The following SMARCA4 variants were observed in gnomAD, a reference collection of about 807,000 sequenced individuals.
SMARCA4 encodes the protein SWI/SNF related BAF chromatin remodeling complex subunit ATPase 4.
In SMARCA4, 31 loss-of-function variants were observed where a neutral mutation model predicts 193.9. The ratio of observed to expected loss-of-function variants is 0.16; its 90% confidence interval spans 0.12 to 0.22. The LOEUF is 0.22. Among genes scored for constraint, SMARCA4 ranks in the 10% least tolerant of loss-of-function variants. The probability of loss-of-function intolerance (pLI) is 1.00; values close to 1 mark genes in which losing one functional copy is unlikely to be tolerated. For missense variants in SMARCA4, 1,148 were observed against 2,296.0 expected, an observed-to-expected ratio of 0.50 and a Z score of 10.22; for synonymous variants, 942 against 933.1, an observed-to-expected ratio of 1.01 and a Z score of -0.17.
intron 19 of SMARCA4, among the ~76,000 whole-genome samples, chr19:11,022,629 GT>G: frequency 6.6e-6 from 1 of 152,310 alleles, no homozygotes; most frequent in East Asian, 1.9e-4. Context: ...AACTACAGAG[GT>G]TACCTCGAAG....
rs2086067860 is a variant in SMARCA4, at chr19:10,986,615, C to T, written c.760+22C>T. The T allele has an allele frequency of 3.3e-6, 5 of 1,535,466 alleles. No individual in the cohort carries two copies. Among genetic ancestry groups the T allele is most frequent in the Non-Finnish European group, 4.4e-6 (5 of 1,146,770 alleles). On this transcript the variant is annotated intron_variant, in intron 4 of 34. Transcript: ENST00000344626. This position sits in a 1 kb window ranked among gnomAD's most constrained non-coding sequence, Gnocchi z 6.7. The stretch of plus-strand genomic sequence containing the variant: ...CATGGTAAGACTGGCTGCCCTGGCC[C>T]TCAGGTGTCTCAGAGCGAATGGCTG...
rs117788028 is a variant in SMARCA4 at position 10,995,344 on chromosome 19, G to A, written c.1593+343G>A. On this transcript the variant is annotated intron_variant, in intron 9 of 34. Coordinates refer to ENST00000344626, the MANE Select transcript of SMARCA4 (RefSeq NM_003072.5). ...TAAACATCTCTGACCATTTATTTGT[G>A]ACTGAGTCGCTGGTTGGGCAGATAT... 7.4e-3 allele frequency: 3,706 copies of A among 498,328 alleles called. 20 individuals are homozygous for A. The highest frequency in any genetic ancestry group is 0.011 in the Non-Finnish European group (2,810 of 254,404). 30.9% of individuals were successfully genotyped at this position (498,328 alleles called of 1,614,324 possible).
chr19:11,026,453 G>T, intron 23 of SMARCA4, 107 bp downstream of exon 23: 11 of 717,834 alleles, frequency 1.5e-5, no homozygotes, highest in Non-Finnish European at 2.5e-5. Context: ...TTCAAAGGCA[G>T]AAAATTAGAA....
rs2090183633 is a variant in SMARCA4, at chr19:11,025,466, G to A, written c.3126G>A (p.Leu1042=). ...CCCTGATGAACACCATCATGCAGCT[G>A]CGGAAGATCTGCAACCACCCCTACA... is the stretch of plus-strand genomic sequence containing the variant. The part of the protein sequence containing the change: ...TKTLMNTIMQ[L]RKICNHPYMF... Residue 1042 remains leucine (L), a synonymous_variant, in exon 22 of 35, where the codon CTG becomes CTA. Coordinates refer to ENST00000344626, the MANE Select transcript of SMARCA4 (RefSeq NM_003072.5). The A allele has an allele frequency of 6.2e-7, 1 of 1,613,422 alleles. No individual in the cohort carries two copies. Among genetic ancestry groups the A allele is most frequent in the Non-Finnish European group, 8.5e-7 (1 of 1,179,954 alleles).
At position 11,014,155 on chromosome 19, in the gene SMARCA4, T is replaced by C. The variant is rs563128357; in HGVS notation, c.2438+1043T>C. 2.2e-4 allele frequency among the ~76,000 whole-genome samples: 33 copies of C among 152,264 alleles called. 1 individual carries two copies. The South Asian group carries it at 3.5e-3, about 16-fold the overall frequency. ...GCCCCTAACTCCAACCAGGCACTCATTGGGACCACTACAGCCACGAGTCAG... is the reference window on the plus strand; with the variant it reads ...GCCCCTAACTCCAACCAGGCACTCACTGGGACCACTACAGCCACGAGTCAG... On this transcript the variant is annotated intron_variant, in intron 16 of 34. Transcript: ENST00000344626.
At chr19:10,968,914 T>TGGCC (rs1340400034) in intron 1 of SMARCA4, among the ~76,000 whole-genome samples, 3 of 152,214 alleles carry the variant, frequency 2.0e-5, no homozygotes, top group Non-Finnish European at 4.4e-5. Flanking sequence ...CCTGAAGGCC[T>TGGCC]TGCCTGCCTC....
chr19:10,999,929 T>A (rs2087465833), intron 11 of SMARCA4, among the ~76,000 whole-genome samples: 1 of 152,086 alleles, frequency 6.6e-6, no homozygotes, highest in African/African-American at 2.4e-5. Flanking sequence ...AAATACTGTG[T>A]CCAGAAGTTA....
In SMARCA4 at chr19:11,033,527, G is replaced by T. The variant is rs1555784620; in HGVS notation, c.3774+10G>T. On this transcript the variant is annotated intron_variant, in intron 26 of 34. Transcript: ENST00000344626. This position sits in a 1 kb window ranked among gnomAD's most constrained non-coding sequence, Gnocchi z 9.8. ...CGAGGAGCAGGATGAGGTGAGCCCA[G>T]CACCGGCCCCGACCCCTCCCCAGCG... 5 of 1,606,132 alleles carry T rather than the reference G, an allele frequency of 3.1e-6. No homozygotes were observed. The highest frequency in any genetic ancestry group is 4.3e-6 in the Non-Finnish European group (5 of 1,173,706).
chr19:11,056,978 G>A (rs1201713672), intron 30 of SMARCA4, among the ~76,000 whole-genome samples: 2 of 152,218 alleles, frequency 1.3e-5, no homozygotes, highest in East Asian at 1.9e-4. Context: ...TGGCATGGGC[G>A]GGCTGCCCTG....
At chr19:10,963,848 A>G (rs2084005376) in intron 1 of SMARCA4, among the ~76,000 whole-genome samples, 2 of 149,820 alleles carry the variant, frequency 1.3e-5, no homozygotes, top group African/African-American at 4.9e-5. Flanking sequence ...AAGCTCCTTG[A>G]GAGGCTGGGG....
intron 30 of SMARCA4, among the ~76,000 whole-genome samples, chr19:11,055,051 A>G (rs1296105883): frequency 6.6e-6 from 1 of 152,184 alleles, no homozygotes; most frequent in Non-Finnish European, 1.5e-5. Flanking sequence ...GTTGCAGGGA[A>G]GCCTGAGGAC....
intron 13 of SMARCA4, 26 bp from the exon 14 acceptor site, chr19:11,007,876 G>A (rs1432988229): frequency 6.2e-6 from 10 of 1,612,654 alleles, no homozygotes; most frequent in Non-Finnish European, 8.5e-6. Flanking sequence ...GATGAACTGA[G>A]GTGACATGGG....
chr19:11,029,385 G>C (rs974752775), intron 24 of SMARCA4, among the ~76,000 whole-genome samples: 2 of 152,252 alleles, frequency 1.3e-5, no homozygotes, highest in African/African-American at 4.8e-5. Context: ...TTGAACTACA[G>C]ATGTGTCCTC....
At chr19:11,003,743 A>T (rs1229813363) in intron 13 of SMARCA4, among the ~76,000 whole-genome samples, 1 of 132,204 alleles carries the variant, frequency 7.6e-6, no homozygotes, top group Non-Finnish European at 1.6e-5. Context: ...ACGGAGTCTC[A>T]CTCTGTCACC....
intron 19 of SMARCA4, 44 bp downstream of exon 19, chr19:11,022,011 GC>G: frequency 6.2e-7 from 1 of 1,610,388 alleles, no homozygotes; most frequent in Non-Finnish European, 8.5e-7. Flanking sequence ...TCCAGGTGCG[GC>G]TGGCTTTGCT....
chr19:11,025,709 G>A (rs963078205), intron 22 of SMARCA4: 3 of 581,738 alleles, frequency 5.2e-6, no homozygotes, highest in Non-Finnish European at 9.6e-6. Context: ...ACGTGCGATA[G>A]GAATATAGGG....
rs775612622 is a variant in SMARCA4 at position 11,003,329 on chromosome 19, A to C, written c.1944-11A>C. 1.9e-6 allele frequency: 3 copies of C among 1,613,634 alleles called. No individual in the cohort carries two copies. Among genetic ancestry groups the C allele is most frequent in the Non-Finnish European group, 2.5e-6 (3 of 1,179,516 alleles). On this transcript the variant is annotated splice_polypyrimidine_tract_variant and intron_variant, in intron 12 of 34. Transcript: ENST00000344626. Reference sequence around the variant, plus strand: ...AGCAGATTTGTATGAAAGCCCTTACATTTTTTCTAGGTATGAAGTAGCTCC... The same window carrying C: ...AGCAGATTTGTATGAAAGCCCTTACCTTTTTTCTAGGTATGAAGTAGCTCC...
At chr19:10,992,427 T>C (rs2086639566) in intron 8 of SMARCA4, among the ~76,000 whole-genome samples, 1 of 149,650 alleles carries the variant, frequency 6.7e-6, no homozygotes, top group Admixed American at 6.6e-5. Context: ...AACATTTTTT[T>C]TTTTTTTTTT....
Position 11,001,844 on chromosome 19 carries a change from A to T in SMARCA4, c.1813-1185A>T, listed in dbSNP as rs183441602. Among the ~76,000 whole-genome samples the T allele has an allele frequency of 2.6e-5, 4 of 152,340 alleles. No individual in the cohort carries two copies. The East Asian group carries it at 7.7e-4, about 29-fold the overall frequency. ...TGGAAGTTTTTTCTAGGAAATATAC[A>T]AGAATTGATGAGGGAGAAAATGTTT... On this transcript the variant is annotated intron_variant, in intron 11 of 34. Transcript: ENST00000344626.
Sources: allele counts gnomAD v4.1 joint callset (sites outside exome capture counted in the v4.1 genomes callset), GRCh38; gene constraint gnomAD v4.1.1; non-coding constraint Gnocchi (gnomAD v3.1); transcripts MANE v1.5; gene names NCBI Gene and HGNC (gene_info 2026-07-23, HGNC 2026-07-21).